RBFOX1: variants seen among roughly 807,000 people sequenced by gnomAD.
The protein encoded by RBFOX1 is RNA binding fox-1 homolog 1.
Under a neutral mutation model 57.7 loss-of-function variants are expected in RBFOX1, and 8 were observed. The observed-to-expected ratio is 0.14, with a 90% CI of 0.08 to 0.25. The LOEUF (loss-of-function observed/expected upper bound fraction) is 0.25. RBFOX1 is among the 10% of genes least tolerant of loss of function. The pLI, the probability that RBFOX1 is intolerant of heterozygous loss-of-function variation, is 1.00. For missense variants in RBFOX1, 611 were observed against 548.5 expected, an observed-to-expected ratio of 1.11 and a Z score of -1.14; for synonymous variants, 326 against 222.4, an observed-to-expected ratio of 1.47 and a Z score of -4.15.
chr16:7,478,794 G>C (rs911816253), intron 4 of RBFOX1, among the ~76,000 whole-genome samples: 2 of 152,146 alleles, frequency 1.3e-5, no homozygotes, highest in African/African-American at 4.8e-5. Flanking sequence ...CTAAATAAAT[G>C]GATCTAGTCT....
chr16:6,849,531 T>C (rs1431849615), intron 3 of RBFOX1, among the ~76,000 whole-genome samples: 1 of 152,088 alleles, frequency 6.6e-6, no homozygotes, highest in Non-Finnish European at 1.5e-5. Flanking sequence ...TAGCTGGGTA[T>C]GGTGGTGCAT....
At chr16:6,397,917 G>C (rs753840816) in intron 2 of RBFOX1, among the ~76,000 whole-genome samples, 1 of 152,078 alleles carries the variant, frequency 6.6e-6, no homozygotes, top group African/African-American at 2.4e-5. Flanking sequence ...TGAAATAATA[G>C]ATATATCACT....
At chr16:7,693,469 G>C in intron 14 of RBFOX1, 1 of 806,380 alleles carries the variant, frequency 1.2e-6, no homozygotes, top group Non-Finnish European at 1.9e-6. Flanking sequence ...ACTCTAGAAA[G>C]TTTAGTTAAG....
At chr16:5,332,387 G>A (rs115651202) in intron 1 of RBFOX1, among the ~76,000 whole-genome samples, 5,115 of 151,810 alleles carry the variant, frequency 0.034, 296 homozygotes, top group African/African-American at 0.12. Context: ...CTTGCCTCCC[G>A]AGTACCTGGA....
intron 3 of RBFOX1, among the ~76,000 whole-genome samples, chr16:6,866,701 C>G (rs890911282): frequency 4.5e-4 from 68 of 151,966 alleles, no homozygotes; most frequent in African/African-American, 1.6e-3. Flanking sequence ...GCCACCACGC[C>G]TGGCTGATTT....
At chr16:7,185,667 G>C (rs1000203916) in intron 4 of RBFOX1, among the ~76,000 whole-genome samples, 1 of 152,152 alleles carries the variant, frequency 6.6e-6, no homozygotes, top group Non-Finnish European at 1.5e-5. Context: ...GCGGAGATAG[G>C]CCTAGTTATG....
intron 1 of RBFOX1, among the ~76,000 whole-genome samples, chr16:6,052,624 A>T (rs1178908834): frequency 6.6e-6 from 1 of 151,882 alleles, no homozygotes; most frequent in Non-Finnish European, 1.5e-5. Flanking sequence ...CTCTACTAAA[A>T]ATACAAAAAA....
intron 9 of RBFOX1, among the ~76,000 whole-genome samples, chr16:7,606,280 C>A (rs1482669060): frequency 1.3e-5 from 2 of 151,884 alleles, no homozygotes; most frequent in Non-Finnish European, 2.9e-5. Flanking sequence ...CACTATGATG[C>A]CTGGCTAATT....
At chr16:6,426,991 T>C (rs1393562979) in intron 2 of RBFOX1, among the ~76,000 whole-genome samples, 1 of 152,168 alleles carries the variant, frequency 6.6e-6, no homozygotes, top group Non-Finnish European at 1.5e-5. Context: ...TAATTGAGTT[T>C]CTGTGATTCC....
intron 4 of RBFOX1, among the ~76,000 whole-genome samples, chr16:5,978,402 C>A (rs1267247656): frequency 3.9e-5 from 6 of 152,110 alleles, no homozygotes; most frequent in Admixed American, 3.9e-4. Flanking sequence ...TCCAAGTTAG[C>A]ACAGAGAGTT....
At chr16:6,665,593 C>G (rs538354580) in intron 3 of RBFOX1, among the ~76,000 whole-genome samples, 5 of 150,416 alleles carry the variant, frequency 3.3e-5, no homozygotes, top group African/African-American at 1.2e-4. Context: ...CCATCACATT[C>G]CAGTCTGGGT....
rs1052739732 is a variant in RBFOX1 at position 5,947,340 on chromosome 16, A to G, written c.351+80005A>G. On this transcript the variant is annotated intron_variant, in intron 4 of 19. Transcript: ENST00000641259. The surrounding 1 kb of genome is among the most constrained non-coding windows in gnomAD (Gnocchi z 7.2). ...CATCGAATGGACACCTCTTTTTACA[A>G]CCATGTGTTCTACATTGCAATGACA... 6.6e-6 allele frequency among the ~76,000 whole-genome samples: 1 copy of G among 152,180 alleles called. No homozygotes were observed. Among genetic ancestry groups the G allele is most frequent in the Non-Finnish European group, 1.5e-5 (1 of 68,032 alleles).
chr16:6,942,211 C>A (rs1043685133), intron 3 of RBFOX1, among the ~76,000 whole-genome samples: 28 of 152,176 alleles, frequency 1.8e-4, no homozygotes, highest in Non-Finnish European at 1.0e-4. Flanking sequence ...TGTGCTCCAA[C>A]CTGGGTGACA....
intron 4 of RBFOX1, among the ~76,000 whole-genome samples, chr16:5,926,895 A>G (rs1322391279): frequency 1.3e-5 from 2 of 152,146 alleles, no homozygotes; most frequent in African/African-American, 4.8e-5. Context: ...CTAGAGGAGG[A>G]ACTGAAGTTT....
In RBFOX1 at chr16:5,694,792, G is replaced by A. The variant is rs544889617; in HGVS notation, c.318+95831G>A. Among the ~76,000 whole-genome samples the A allele has an allele frequency of 7.3e-4, 72 of 98,006 alleles. 1 individual carries two copies. The highest frequency in any genetic ancestry group is 6.1e-3 in the South Asian group (21 of 3,462). 64.3% of individuals were successfully genotyped at this position (98,006 alleles called of 152,430 possible). On this transcript the variant is annotated intron_variant, in intron 3 of 19. Transcript: ENST00000641259. ...TTGATTTTCCTTTTTTGGGGAGTTG[G>A]GTTTGTTTTTGTTTTTGTTTTTGTT...
chr16:7,396,771 C>G (rs956211306), intron 4 of RBFOX1, among the ~76,000 whole-genome samples: 2 of 152,120 alleles, frequency 1.3e-5, no homozygotes, highest in Non-Finnish European at 2.9e-5. Flanking sequence ...GAAACTGCAT[C>G]TCTACTAAAA....
At chr16:5,433,626 T>C (rs914634683) in intron 1 of RBFOX1, among the ~76,000 whole-genome samples, 4 of 152,218 alleles carry the variant, frequency 2.6e-5, no homozygotes, top group Non-Finnish European at 5.9e-5. Flanking sequence ...ACAAAAATAA[T>C]GTATGCATTT....
At chr16:6,798,841 G>C (rs564186044) in intron 3 of RBFOX1, among the ~76,000 whole-genome samples, 54 of 152,220 alleles carry the variant, frequency 3.5e-4, no homozygotes, top group African/African-American at 1.2e-3. Flanking sequence ...GGATGCTTCG[G>C]GGAGTGTAAT....
intron 3 of RBFOX1, among the ~76,000 whole-genome samples, chr16:5,676,770 G>A (rs1328134306): frequency 6.6e-6 from 1 of 152,026 alleles, no homozygotes; most frequent in South Asian, 2.1e-4. Flanking sequence ...GCTAAAGCAC[G>A]AGAATCCCTT....
Sources: allele counts gnomAD v4.1 joint callset (sites outside exome capture counted in the v4.1 genomes callset), GRCh38; gene constraint gnomAD v4.1.1; non-coding constraint Gnocchi (gnomAD v3.1); transcripts MANE v1.5; gene names NCBI Gene and HGNC (gene_info 2026-07-23, HGNC 2026-07-21).